The following PWWP2A variants were observed in gnomAD, a reference collection of about 807,000 sequenced individuals.
PWWP2A encodes the protein PWWP domain-containing protein 2A.
A neutral mutation model predicts 48.5 loss-of-function variants in PWWP2A; 18 were observed. The ratio of observed to expected loss-of-function variants is 0.37; its 90% confidence interval spans 0.26 to 0.55. The LOEUF (loss-of-function observed/expected upper bound fraction) is 0.55. Among genes scored for constraint, PWWP2A ranks in the 20% least tolerant of loss-of-function variants. The probability of loss-of-function intolerance (pLI) is 0.81; values close to 1 mark genes in which losing one functional copy is unlikely to be tolerated. For synonymous variants in PWWP2A, 396 were observed against 387.7 expected (o/e 1.02, Z -0.25); for missense variants, 867 against 976.4 (o/e 0.89, Z 1.49).
At chr5:160,061,289 C>A (rs1233403122), downstream of PWWP2A, among the ~76,000 whole-genome samples, 2 of 152,246 alleles carry the variant, frequency 1.3e-5, no homozygotes, top group Non-Finnish European at 2.9e-5. Flanking sequence ...TAGACCAAAT[C>A]TCTTCTTTCC....
At chr5:160,116,318 A>G (rs976795031) in intron 1 of PWWP2A, among the ~76,000 whole-genome samples, 1 of 152,034 alleles carries the variant, frequency 6.6e-6, no homozygotes, top group Non-Finnish European at 1.5e-5. Context: ...TGGCCTCCCA[A>G]AGTGCTGGGC....
At chr5:160,086,133 ATTC>A (rs1305007302) in intron 2 of PWWP2A, among the ~76,000 whole-genome samples, 7 of 152,184 alleles carry the variant, frequency 4.6e-5, no homozygotes, top group African/African-American at 1.7e-4. Flanking sequence ...TAACTGTCAC[ATTC>A]TTATGACACA....
At chr5:160,117,385 C>T (rs1758246343) in intron 1 of PWWP2A, among the ~76,000 whole-genome samples, 1 of 151,574 alleles carries the variant, frequency 6.6e-6, no homozygotes, top group African/African-American at 2.4e-5. Context: ...CCGGGCACGG[C>T]GGCTCATGCC....
chr5:160,103,069 AAAG>A (rs1357979392), intron 1 of PWWP2A, among the ~76,000 whole-genome samples: 2 of 152,202 alleles, frequency 1.3e-5, no homozygotes, highest in Non-Finnish European at 2.9e-5. Context: ...CAGCATAAGT[AAAG>A]GAGAATGATG....
At chr5:160,060,435 T>A (rs1358742951), downstream of PWWP2A, among the ~76,000 whole-genome samples, 1 of 152,202 alleles carries the variant, frequency 6.6e-6, no homozygotes, top group Non-Finnish European at 1.5e-5. Flanking sequence ...AGTTCTGTAC[T>A]CTTCTCTTTG....
chr5:160,118,909 C>T lies in PWWP2A; in HGVS notation c.480G>A (p.Ser160=). The T allele has an allele frequency of 6.2e-7, 1 of 1,601,926 alleles. No homozygotes were observed. The highest frequency in any genetic ancestry group is 8.5e-7 in the Non-Finnish European group (1 of 1,175,128). The change falls in exon 1 of 2, where the codon TCG becomes TCA. Residue 160 remains serine (S), a synonymous_variant. Transcript: ENST00000307063. Reference sequence around the variant, plus strand: ...TGTGGTCCAGCGTGACCCGCACCTCCGAGCCCGGGATCAGTTGCGACACCG... The same window carrying T: ...TGTGGTCCAGCGTGACCCGCACCTCTGAGCCCGGGATCAGTTGCGACACCG... ...DSTVSQLIPG[S]EVRVTLDHII...
At chr5:160,108,609 T>C in intron 1 of PWWP2A, 1 of 1,284,126 alleles carries the variant, frequency 7.8e-7, no homozygotes, top group Non-Finnish European at 1.0e-6. Context: ...ATACGTTTCA[T>C]GGTCTCTGTA....
downstream of PWWP2A, among the ~76,000 whole-genome samples, chr5:160,075,482 C>CA (rs1753847489): frequency 6.6e-6 from 1 of 152,128 alleles, no homozygotes; most frequent in African/African-American, 2.4e-5. Context: ...CTTGACCTCT[C>CA]ACTCAATGTG....
downstream of PWWP2A, among the ~76,000 whole-genome samples, chr5:160,073,004 C>CAAA (rs35836307): frequency 8.0e-4 from 47 of 58,856 alleles, no homozygotes; most frequent in African/African-American, 2.9e-3. Flanking sequence ...GGCTCCGTCT[C>CAAA]AAAAAAAAAA....
At chr5:160,071,009 G>A (rs1051887498), downstream of PWWP2A, among the ~76,000 whole-genome samples, 2 of 152,090 alleles carry the variant, frequency 1.3e-5, no homozygotes, top group Non-Finnish European at 2.9e-5. Context: ...GCAACATGGC[G>A]AAACCCTATC....
intron 1 of PWWP2A, among the ~76,000 whole-genome samples, chr5:160,097,985 A>G (rs1029420517): frequency 6.6e-6 from 1 of 152,152 alleles, no homozygotes; most frequent in African/African-American, 2.4e-5. Flanking sequence ...AAGTGCTGGG[A>G]TTACAGGCGT....
chr5:160,072,714 G>A (rs1753767070), downstream of PWWP2A, among the ~76,000 whole-genome samples: 1 of 151,748 alleles, frequency 6.6e-6, no homozygotes, highest in Admixed American at 6.6e-5. Context: ...GGGCAACAGA[G>A]CGAGACTCCG....
rs564630945 is a variant in PWWP2A, at chr5:160,113,403, CAT to C, written c.584+5400_584+5401del. 22 of 879,360 alleles carry C rather than the reference CAT, an allele frequency of 2.5e-5. No individual in the cohort carries two copies. The South Asian group carries it at 1.0e-3, about 42-fold the overall frequency. The allele number at this position is 879,360 out of a possible 1,614,324, so 54.5% of individuals were successfully genotyped here. A position where few individuals can be genotyped will look rare whatever the true frequency, so the allele number is the denominator to read the frequency against. ...AAAAGCAGACTCTTAGTCATCCACA[CAT>C]ATATTAAATCCTGTGTTCTAGACTC... On this transcript the variant is annotated intron_variant, in intron 1 of 1. Coordinates refer to ENST00000307063, the MANE Select transcript of PWWP2A (RefSeq NM_001130864.2).
chr5:160,089,751 C>T (rs1754920030), downstream of PWWP2A: 1 of 1,210,262 alleles, frequency 8.3e-7, no homozygotes. Context: ...ACGACTCTTA[C>T]TTAAGCCGCA....
At chr5:160,048,808 G>T in the PWWP2A span, among the ~76,000 whole-genome samples, 9 of 152,186 alleles carry the variant, frequency 5.9e-5, no homozygotes, top group African/African-American at 2.2e-4. Flanking sequence ...AAAATTAGCC[G>T]GGCATGGTGG....
intron 4 of PWWP2A, chr5:160,066,424 G>C (rs927424888): frequency 3.3e-5 from 5 of 149,610 alleles, no homozygotes; most frequent in East Asian, 4.0e-4. Context: ...AGCCTCCAGA[G>C]TAGCTGGGAT....
intron 2 of PWWP2A, among the ~76,000 whole-genome samples, chr5:160,084,483 C>G (rs1241836817): frequency 1.3e-5 from 2 of 152,200 alleles, no homozygotes; most frequent in Non-Finnish European, 2.9e-5. Flanking sequence ...AGCTGGAGTG[C>G]AGTGGCAGGA....
chr5:160,110,779 C>A (rs914878283), intron 1 of PWWP2A, among the ~76,000 whole-genome samples: 1 of 151,914 alleles, frequency 6.6e-6, no homozygotes. Flanking sequence ...CGCCTGTAAT[C>A]CCATCATTTT....
At chr5:160,102,369 G>A (rs1756403759) in intron 1 of PWWP2A, among the ~76,000 whole-genome samples, 1 of 130,770 alleles carries the variant, frequency 7.6e-6, no homozygotes, top group Non-Finnish European at 1.5e-5. Context: ...CTGCACTCCA[G>A]CCTGGGCAAC....
Sources: allele counts gnomAD v4.1 joint callset (sites outside exome capture counted in the v4.1 genomes callset), GRCh38; gene constraint gnomAD v4.1.1; transcripts MANE v1.5; gene names NCBI Gene and HGNC (gene_info 2026-07-23, HGNC 2026-07-21).